SLC24A2: variants seen among roughly 807,000 people sequenced by gnomAD.
SLC24A2 encodes sodium/potassium/calcium exchanger 2.
Under a neutral mutation model 62.0 loss-of-function variants are expected in SLC24A2, and 36 were observed. The ratio of observed to expected loss-of-function variants is 0.58; its 90% confidence interval spans 0.44 to 0.77. The LOEUF (loss-of-function observed/expected upper bound fraction) is 0.77, where lower values mean the gene tolerates loss of function less well. Among genes scored for constraint, SLC24A2 ranks in the 30% least tolerant of loss-of-function variants. The pLI is 0.00. For missense variants in SLC24A2, 846 were observed against 817.9 expected (o/e 1.03, Z -0.42); for synonymous variants, 358 against 294.0 (o/e 1.22, Z -2.23).
intron 5 of SLC24A2, among the ~76,000 whole-genome samples, chr9:19,590,788 T>A (rs1836527729): frequency 6.6e-6 from 1 of 152,118 alleles, no homozygotes. Context: ...ACTGCACCAC[T>A]TCCAAAACCC....
Position 19,597,242 on chromosome 9 carries a change from TG to T in SLC24A2, c.1115del (p.Thr372LysfsTer2). The T allele has an allele frequency of 1.3e-6, 2 of 1,586,622 alleles. No homozygotes were observed. The highest frequency in any genetic ancestry group is 1.7e-6 in the Non-Finnish European group (2 of 1,155,102). On this transcript the variant is annotated frameshift_variant, in exon 5 of 11. Transcript: ENST00000341998. LOFTEE classifies it high-confidence loss of function. ...AATCATTCTTACCTTCTTCAGTCAT[TG>T]TGTCATAATATTTTAGTTTTCCATA... ...GSYGKLKYYD[T>X]MTEEGRFREK...
intron 6 of SLC24A2, 93 bp downstream of exon 6, chr9:19,576,831 G>C: frequency 1.1e-6 from 1 of 888,822 alleles, no homozygotes; most frequent in Non-Finnish European, 1.9e-6. Flanking sequence ...GTGTGTGTCT[G>C]CACTGAGTCA....
chr9:19,528,328 A>G (rs1833532554), intron 8 of SLC24A2, among the ~76,000 whole-genome samples, 190 bp from the exon 9 acceptor site: 1 of 152,176 alleles, frequency 6.6e-6, no homozygotes, highest in Non-Finnish European at 1.5e-5. Flanking sequence ...GGAGATGTGA[A>G]ATTGATAGGA....
chr9:20,176,197 G>C, the SLC24A2 span, among the ~76,000 whole-genome samples: 2 of 151,982 alleles, frequency 1.3e-5, no homozygotes, highest in African/African-American at 4.8e-5. Flanking sequence ...TTTGTTAGGT[G>C]ATCTTGAGGC....
the SLC24A2 span, among the ~76,000 whole-genome samples, chr9:20,105,828 G>C: frequency 1.3e-5 from 2 of 151,900 alleles, no homozygotes; most frequent in Non-Finnish European, 2.9e-5. Context: ...GCTAGCAGAA[G>C]GCAAGAAGTA....
At chr9:19,725,834 C>T (rs951923689) in intron 2 of SLC24A2, among the ~76,000 whole-genome samples, 13 of 152,148 alleles carry the variant, frequency 8.5e-5, no homozygotes, top group African/African-American at 3.1e-4. Context: ...TATCTTAGAA[C>T]AGCTTTTTCC....
At chr9:19,550,099 G>A (rs372990243) in intron 8 of SLC24A2, 38 bp downstream of exon 8, 6 of 1,603,598 alleles carry the variant, frequency 3.7e-6, no homozygotes, top group East Asian at 2.2e-5. Flanking sequence ...TGTACCATAT[G>A]TTTTACAAGG....
chr9:19,870,681 G>A, the SLC24A2 span, among the ~76,000 whole-genome samples: 9 of 152,044 alleles, frequency 5.9e-5, no homozygotes, highest in South Asian at 4.1e-4. Flanking sequence ...GTTATTTTCC[G>A]TTTTGTGACT....
At chr9:20,108,686 TG>T in the SLC24A2 span, among the ~76,000 whole-genome samples, 1 of 116,200 alleles carries the variant, frequency 8.6e-6, no homozygotes, top group African/African-American at 3.3e-5. Context: ...CATCACACTT[TG>T]GGGACTGTTG....
At chr9:19,833,802 G>A in the SLC24A2 span, among the ~76,000 whole-genome samples, 5 of 152,246 alleles carry the variant, frequency 3.3e-5, no homozygotes, top group African/African-American at 1.2e-4. Context: ...TGACCCCCGA[G>A]TAGCCTAACT....
chr9:20,195,044 A>G, the SLC24A2 span, among the ~76,000 whole-genome samples: 5 of 152,136 alleles, frequency 3.3e-5, no homozygotes, highest in Non-Finnish European at 7.4e-5. Flanking sequence ...AATATTGGAT[A>G]TGTTCTTTTT....
the SLC24A2 span, among the ~76,000 whole-genome samples, chr9:20,230,445 A>G: frequency 6.6e-6 from 1 of 152,158 alleles, no homozygotes; most frequent in South Asian, 2.1e-4. Flanking sequence ...GTGACATGGT[A>G]TCTCATTGTG....
At chr9:20,295,110 G>A in the SLC24A2 span, among the ~76,000 whole-genome samples, 1 of 151,452 alleles carries the variant, frequency 6.6e-6, no homozygotes, top group African/African-American at 2.4e-5. Flanking sequence ...AACCTCAAGA[G>A]ATACAGTCAC....
At chr9:19,621,021 C>T (rs1817896002) in intron 3 of SLC24A2, among the ~76,000 whole-genome samples, 2 of 152,196 alleles carry the variant, frequency 1.3e-5, no homozygotes, top group Admixed American at 6.5e-5. Flanking sequence ...ACCAACTCAC[C>T]TCAGGGTTTC....
chr9:19,807,598 T>A, the SLC24A2 span, among the ~76,000 whole-genome samples: 2 of 152,222 alleles, frequency 1.3e-5, no homozygotes, highest in Non-Finnish European at 2.9e-5. Flanking sequence ...GCAGTATATT[T>A]GAATAAAAAT....
At chr9:20,143,192 G>C in the SLC24A2 span, among the ~76,000 whole-genome samples, 13 of 152,168 alleles carry the variant, frequency 8.5e-5, no homozygotes, top group African/African-American at 1.9e-4. Flanking sequence ...TGGGAAAAGA[G>C]AGTGCCCAAG....
the SLC24A2 span, among the ~76,000 whole-genome samples, chr9:19,824,843 A>G: frequency 6.6e-6 from 1 of 152,200 alleles, no homozygotes; most frequent in Non-Finnish European, 1.5e-5. Context: ...TGCAGCCATA[A>G]AAAAAGATGA....
At chr9:19,885,720 G>A in the SLC24A2 span, among the ~76,000 whole-genome samples, 2 of 152,056 alleles carry the variant, frequency 1.3e-5, no homozygotes, top group African/African-American at 2.4e-5. Context: ...GTACCCGATA[G>A]GTATTATTTC....
chr9:20,085,660 T>C, the SLC24A2 span, among the ~76,000 whole-genome samples: 1 of 152,202 alleles, frequency 6.6e-6, no homozygotes, highest in African/African-American at 2.4e-5. Context: ...ATGGCAAAAT[T>C]TTATTGTATT....
Sources: gnomAD v4.1 joint callset for allele counts (sites outside exome capture counted in the v4.1 genomes callset) on GRCh38, gnomAD v4.1.1 for gene constraint, MANE v1.5 for transcripts, NCBI Gene and HGNC (gene_info 2026-07-23, HGNC 2026-07-21) for gene names.